FYN: variants seen among roughly 807,000 people sequenced by gnomAD.
The protein encoded by FYN is FYN proto-oncogene, Src family tyrosine kinase.
FYN carries 10 observed loss-of-function variants against 70.2 expected under a neutral mutation model. That is an observed-to-expected ratio of 0.14 (90% CI 0.09 to 0.24). The LOEUF is 0.24. FYN is among the 10% of genes least tolerant of loss of function. The pLI, the probability that FYN is intolerant of heterozygous loss-of-function variation, is 1.00. For missense variants in FYN, 319 were observed against 673.1 expected, an observed-to-expected ratio of 0.47 and a Z score of 5.82; for synonymous variants, 236 against 248.6, an observed-to-expected ratio of 0.95 and a Z score of 0.48.
At chr6:111,668,419 A>G (rs779249391) in intron 13 of FYN, among the ~76,000 whole-genome samples, 2 of 152,076 alleles carry the variant, frequency 1.3e-5, no homozygotes, top group Non-Finnish European at 2.9e-5. Flanking sequence ...ACACAGAAAG[A>G]CAGCTACTCA....
chr6:111,745,263 G>A (rs897877774), intron 3 of FYN, among the ~76,000 whole-genome samples: 6 of 152,202 alleles, frequency 3.9e-5, no homozygotes, highest in Admixed American at 2.6e-4. Flanking sequence ...GCCCATGGGA[G>A]AAGGCAGACA....
chr6:111,773,526 A>AT (rs1803553709), intron 3 of FYN, among the ~76,000 whole-genome samples: 1 of 45,066 alleles, frequency 2.2e-5, no homozygotes, highest in Non-Finnish European at 4.1e-5. Flanking sequence ...GGTGAGAGAG[A>AT]GGGGGAGAGG....
intron 12 of FYN, among the ~76,000 whole-genome samples, chr6:111,688,550 T>A (rs1167753862): frequency 6.6e-6 from 1 of 152,166 alleles, no homozygotes; most frequent in Non-Finnish European, 1.5e-5. Context: ...GTCTTTAAAC[T>A]AAATCACTTC....
chr6:111,741,729 T>C (rs768189970), intron 3 of FYN, among the ~76,000 whole-genome samples: 2 of 152,182 alleles, frequency 1.3e-5, no homozygotes, highest in South Asian at 4.1e-4. Context: ...ACTAGTCCAG[T>C]GTATTTTTCA....
At chr6:111,866,601 C>T (rs1774114122) in intron 1 of FYN, among the ~76,000 whole-genome samples, 1 of 152,250 alleles carries the variant, frequency 6.6e-6, no homozygotes, top group Non-Finnish European at 1.5e-5. Context: ...CTTGGCTTCC[C>T]AAAGTGCTGG....
At chr6:111,688,193 T>C (rs1028585623) in intron 12 of FYN, among the ~76,000 whole-genome samples, 1 of 152,212 alleles carries the variant, frequency 6.6e-6, no homozygotes. Context: ...TATTTTATGA[T>C]GAGAAAGGTG....
In FYN at chr6:111,660,591, T is replaced by C. The variant is rs1414275964; in HGVS notation, c.*1148A>G. On this transcript the variant is annotated 3_prime_UTR_variant, in exon 14 of 14. Coordinates refer to ENST00000354650, the MANE Select transcript of FYN (RefSeq NM_002037.5). ...CCATGAAATGTAAAGTAGTGCATAG[T>C]TATTCCACTGGAGAACTCCTGGACA... 1 of 152,236 alleles carries C rather than the reference T, an allele frequency of 6.6e-6. No individual in the cohort carries two copies. The highest frequency in any genetic ancestry group is 1.5e-5 in the Non-Finnish European group (1 of 68,046). 9.4% of individuals were successfully genotyped at this position (152,236 alleles called of 1,614,324 possible). A position where few individuals can be genotyped will look rare whatever the true frequency, so the allele number is the denominator to read the frequency against.
chr6:111,679,748 C>T (rs1798705638), intron 12 of FYN, among the ~76,000 whole-genome samples: 1 of 152,142 alleles, frequency 6.6e-6, no homozygotes, highest in Admixed American at 6.5e-5. Flanking sequence ...AAACTTAAAA[C>T]ACCTGGAGAA....
At chr6:111,727,746 C>T (rs533655981) in intron 3 of FYN, among the ~76,000 whole-genome samples, 46 of 152,294 alleles carry the variant, frequency 3.0e-4, no homozygotes, top group African/African-American at 1.1e-3. Flanking sequence ...TTCTCTCATA[C>T]CGCACAGCAA....
intron 3 of FYN, among the ~76,000 whole-genome samples, chr6:111,728,600 T>C (rs951398720): frequency 6.6e-6 from 1 of 152,210 alleles, no homozygotes; most frequent in African/African-American, 2.4e-5. Context: ...AGTCACATCA[T>C]ATGTGGTCTT....
intron 7 of FYN, 21 bp from the exon 8 acceptor site, chr6:111,703,055 T>G (rs199617444): frequency 1.2e-6 from 2 of 1,610,792 alleles, no homozygotes; most frequent in Admixed American, 3.4e-5. Context: ...TGGAAAGCAT[T>G]AGCAGCTCCA....
intron 3 of FYN, among the ~76,000 whole-genome samples, chr6:111,749,259 A>C (rs983028566): frequency 2.6e-5 from 4 of 152,198 alleles, no homozygotes; most frequent in Admixed American, 6.5e-5. Flanking sequence ...TTGCCTGCTG[A>C]TCTCTCACAT....
chr6:111,692,235 C>T (rs571699650), intron 12 of FYN, among the ~76,000 whole-genome samples: 13 of 152,024 alleles, frequency 8.6e-5, no homozygotes, highest in African/African-American at 2.9e-4. Context: ...ACGGGACCCT[C>T]GATTTGGAAA....
At chr6:111,783,676 C>T (rs1453578292) in intron 2 of FYN, among the ~76,000 whole-genome samples, 2 of 152,216 alleles carry the variant, frequency 1.3e-5, no homozygotes, top group Non-Finnish European at 2.9e-5. Flanking sequence ...TGAAAACAAG[C>T]ATCTCTAATA....
At chr6:111,810,772 T>G (rs7757938) in intron 2 of FYN, among the ~76,000 whole-genome samples, 9,510 of 152,252 alleles carry the variant, frequency 0.062, 373 homozygotes, top group East Asian at 0.14. Context: ...AAATGAATGC[T>G]GCCTGGGGCC....
At chr6:111,704,446 T>C (rs2128447097) in intron 6 of FYN, among the ~76,000 whole-genome samples, 1 of 152,318 alleles carries the variant, frequency 6.6e-6, no homozygotes, top group Non-Finnish European at 1.5e-5. Context: ...CAGGAGACCC[T>C]TTCCACACTT....
chr6:111,699,736 A>C, intron 9 of FYN: 2 of 1,471,502 alleles, frequency 1.4e-6, no homozygotes, highest in Non-Finnish European at 1.9e-6. Flanking sequence ...ATGCACTAGG[A>C]AAGATGGAAG....
chr6:111,850,538 C>T (rs917557763), intron 1 of FYN, among the ~76,000 whole-genome samples: 2 of 152,224 alleles, frequency 1.3e-5, no homozygotes, highest in African/African-American at 2.4e-5. Context: ...CCATATCGAG[C>T]GTGTCCACAG....
At chr6:111,754,192 T>C (rs1330423360) in intron 3 of FYN, among the ~76,000 whole-genome samples, 1 of 152,210 alleles carries the variant, frequency 6.6e-6, no homozygotes, top group Non-Finnish European at 1.5e-5. Flanking sequence ...TCTTTTATCG[T>C]CTGTCTGAAT....
Sources: gnomAD v4.1 joint callset for allele counts (sites outside exome capture counted in the v4.1 genomes callset) on GRCh38, gnomAD v4.1.1 for gene constraint, MANE v1.5 for transcripts, NCBI Gene and HGNC (gene_info 2026-07-23, HGNC 2026-07-21) for gene names.